Variants in CR1 observed in about 807,000 individuals in gnomAD.
The protein encoded by CR1 is complement receptor type 1.
Under a neutral mutation model 187.3 loss-of-function variants are expected in CR1, and 116 were observed. That is an observed-to-expected ratio of 0.62 (90% CI 0.53 to 0.72). The LOEUF is 0.72. Among genes scored for constraint, CR1 ranks in the 30% least tolerant of loss-of-function variants. CR1 has a pLI of 0.00. For synonymous variants in CR1, 576 were observed against 747.1 expected, an observed-to-expected ratio of 0.77 and a Z score of 3.73; for missense variants, 1,731 against 2,110.7, an observed-to-expected ratio of 0.82 and a Z score of 3.52.
intron 46 of CR1, among the ~76,000 whole-genome samples, chr1:207,631,655 T>G (rs1390685420): frequency 2.0e-5 from 3 of 152,184 alleles, no homozygotes; most frequent in Non-Finnish European, 4.4e-5. Flanking sequence ...ATACAGGCAT[T>G]CAGACTCTCG....
At position 207,565,840 on chromosome 1, in the gene CR1, T is replaced by G. The variant is rs753215274; in HGVS notation, c.3869T>G (p.Phe1290Cys). ...AKVDFVCDEG[F>C]QLKGSSASYC... ...TTCACTCCTATTTTCTTCTTTAGAT[T>G]TCAATTAAAAGGCAGCTCTGCTAGT... Residue 1290 changes from phenylalanine to cysteine, a missense_variant and splice_region_variant, in exon 24 of 47, where the codon TTT becomes TGT. Phe to Cys is a radical substitution (Grantham distance 205). This residue lies in a region of CR1 where 1,312 missense variants were observed against 1,379.6 expected (regional missense o/e 0.95). Coordinates refer to ENST00000367049, the MANE Select transcript of CR1 (RefSeq NM_000651.6). 38 of 1,610,698 alleles carry G rather than the reference T, an allele frequency of 2.4e-5. 1 individual carries two copies. The highest frequency in any genetic ancestry group is 3.0e-5 in the Non-Finnish European group (35 of 1,179,712).
intron 37 of CR1, among the ~76,000 whole-genome samples, chr1:207,610,103 G>A (rs1373395609): frequency 6.6e-6 from 1 of 152,082 alleles, no homozygotes; most frequent in Non-Finnish European, 1.5e-5. Flanking sequence ...GTAGGCAAGT[G>A]AGCCATGAGG....
In CR1 at chr1:207,526,899, G is replaced by A. The variant is rs1660191869; in HGVS notation, c.1033G>A (p.Asp345Asn). The A allele has an allele frequency of 6.7e-7, 1 of 1,485,056 alleles. No individual in the cohort carries two copies. Among genetic ancestry groups the A allele is most frequent in the East Asian group, 2.4e-5 (1 of 41,632 alleles). The allele number at this position is 1,485,056 out of a possible 1,614,324, so 92.0% of individuals were successfully genotyped here. ...GTCTATGCGCTGCACACCCCAGGGA[G>A]ACTGGAGCCCTGCAGCCCCCACATG... Reference protein sequence around the residue: ...AASMRCTPQGDWSPAAPTCEV... With the variant: ...AASMRCTPQGNWSPAAPTCEV... Residue 345 changes from aspartate (D) to asparagine (N), a missense_variant, in exon 6 of 47, where the codon GAC becomes AAC. Physicochemically the swap from Asp to Asn is conservative, Grantham distance 23. This residue lies in a region of CR1 where 17 missense variants were observed against 214.5 expected (regional missense o/e 0.08). Coordinates refer to ENST00000367049, the MANE Select transcript of CR1 (RefSeq NM_000651.6).
chr1:207,630,761 C>CT (rs201854232), intron 46 of CR1, 140 bp downstream of exon 46: 11,243 of 419,878 alleles, frequency 0.027, 1 homozygote, highest in South Asian at 0.039. Context: ...TTGGAAACTT[C>CT]TTTTTTTTTT....
At chr1:207,523,431 AG>A (rs1471420866) in intron 4 of CR1, among the ~76,000 whole-genome samples, 179 bp from the exon 5 acceptor site, 6 of 152,270 alleles carry the variant, frequency 3.9e-5, no homozygotes, top group Non-Finnish European at 5.9e-5. Flanking sequence ...TCAGTAAGAA[AG>A]GCAGGACACA....
intron 36 of CR1, among the ~76,000 whole-genome samples, chr1:207,608,667 G>A (rs1398759000): frequency 6.6e-6 from 1 of 152,042 alleles, no homozygotes; most frequent in East Asian, 1.9e-4. Flanking sequence ...TCAAGGCATG[G>A]CACCTTTTGT....
chr1:207,502,221 G>A (rs1659292491), intron 1 of CR1, among the ~76,000 whole-genome samples: 1 of 152,082 alleles, frequency 6.6e-6, no homozygotes, highest in Admixed American at 6.5e-5. Flanking sequence ...TCTATTGAGA[G>A]AAATAGATAC....
chr1:207,578,745 GT>G (rs1660845549), intron 29 of CR1, among the ~76,000 whole-genome samples: 1 of 152,220 alleles, frequency 6.6e-6, no homozygotes, highest in Non-Finnish European at 1.5e-5. Flanking sequence ...ACTTTCATCA[GT>G]ATCCATTGCT....
At chr1:207,518,363 C>T (rs1362684550) in intron 4 of CR1, among the ~76,000 whole-genome samples, 1 of 152,152 alleles carries the variant, frequency 6.6e-6, no homozygotes, top group Non-Finnish European at 1.5e-5. Context: ...AGTTATTTTG[C>T]TTCATTTTCT....
At chr1:207,587,590 A>G (rs1484170033) in intron 34 of CR1, 25 bp downstream of exon 34, 1 of 1,603,852 alleles carries the variant, frequency 6.2e-7, no homozygotes, top group Non-Finnish European at 8.5e-7. Context: ...CCTGGGAACT[A>G]CTTCATGTCT....
At chr1:207,631,806 A>G (rs1044680924) in intron 46 of CR1, among the ~76,000 whole-genome samples, 5 of 152,236 alleles carry the variant, frequency 3.3e-5, no homozygotes, top group Non-Finnish European at 7.3e-5. Flanking sequence ...TAAGATCACC[A>G]TATGCCCTAG....
chr1:207,584,291 C>T (rs372287749), intron 32 of CR1, among the ~76,000 whole-genome samples: 3 of 152,278 alleles, frequency 2.0e-5, no homozygotes, highest in Middle Eastern at 3.4e-3. Context: ...ACTTGACATA[C>T]AGCAGATATT....
intron 5 of CR1, among the ~76,000 whole-genome samples, chr1:207,525,418 A>G (rs963916309): frequency 5.9e-5 from 9 of 152,018 alleles, no homozygotes; most frequent in Non-Finnish European, 1.2e-4. Context: ...CCCACTGAGC[A>G]GGCAGCTCCC....
intron 35 of CR1, among the ~76,000 whole-genome samples, chr1:207,600,337 A>G (rs1661569967): frequency 6.6e-6 from 1 of 152,200 alleles, no homozygotes. Context: ...AAATAAGTGA[A>G]CAAATAATCA....
chr1:207,574,351 A>G (rs1408929486), intron 27 of CR1, among the ~76,000 whole-genome samples: 2 of 152,240 alleles, frequency 1.3e-5, no homozygotes, highest in East Asian at 3.8e-4. Context: ...TTGATTCTAT[A>G]CAACACTAAA....
At chr1:207,573,429 G>C (rs1660639880) in intron 27 of CR1, among the ~76,000 whole-genome samples, 2 of 151,970 alleles carry the variant, frequency 1.3e-5, no homozygotes, top group Admixed American at 1.3e-4. Context: ...TAAATTTCCT[G>C]ACTGTACCCT....
intron 45 of CR1, among the ~76,000 whole-genome samples, chr1:207,624,263 C>A (rs1485672696): frequency 6.6e-6 from 1 of 151,998 alleles, no homozygotes; most frequent in Non-Finnish European, 1.5e-5. Context: ...AAAAAACTTG[C>A]AAAGACTAAG....
chr1:207,625,296 T>G (rs533046309), intron 45 of CR1, among the ~76,000 whole-genome samples: 7 of 152,320 alleles, frequency 4.6e-5, no homozygotes, highest in Non-Finnish European at 1.0e-4. Flanking sequence ...ACAACCATTC[T>G]CTCTCTGACC....
intron 5 of CR1, among the ~76,000 whole-genome samples, chr1:207,526,095 A>C (rs1238603355): frequency 1.3e-5 from 2 of 152,102 alleles, no homozygotes; most frequent in Non-Finnish European, 2.9e-5. Flanking sequence ...ATACACTCTC[A>C]TCATGGTGAC....
Sources: allele counts gnomAD v4.1 joint callset (sites outside exome capture counted in the v4.1 genomes callset), GRCh38; gene constraint gnomAD v4.1.1; regional missense constraint gnomAD v4.1.1; transcripts MANE v1.5; gene names NCBI Gene and HGNC (gene_info 2026-07-23, HGNC 2026-07-21).